The following USP45 variants were observed in gnomAD, a reference collection of about 807,000 sequenced individuals.
USP45 encodes ubiquitin specific peptidase 45.
A neutral mutation model predicts 95.8 loss-of-function variants in USP45; 89 were observed. The observed-to-expected ratio is 0.93, with a 90% CI of 0.78 to 1.11. The LOEUF (loss-of-function observed/expected upper bound fraction) is 1.11. Ranked by LOEUF, USP45 falls within the 50% of genes least tolerant of loss-of-function variation. The pLI is 0.00. For missense variants in USP45, 898 were observed against 942.5 expected, an observed-to-expected ratio of 0.95 and a Z score of 0.62; for synonymous variants, 281 against 316.2, an observed-to-expected ratio of 0.89 and a Z score of 1.18.
chr6:99,493,026 CTTAA>C (rs1282752037), intron 5 of USP45, among the ~76,000 whole-genome samples: 1 of 151,562 alleles, frequency 6.6e-6, no homozygotes, highest in African/African-American at 2.4e-5. Flanking sequence ...GACCTTAGGC[CTTAA>C]TTTTTTTTTT....
chr6:99,474,554 A>G (rs1242284279), intron 9 of USP45, among the ~76,000 whole-genome samples: 1 of 152,212 alleles, frequency 6.6e-6, no homozygotes, highest in African/African-American at 2.4e-5. Context: ...TCACAAGCAC[A>G]TATGCACTTC....
chr6:99,434,451 A>G lies in USP45; in HGVS notation c.*1265T>C, dbSNP rs1041227480. The G allele has an allele frequency of 3.3e-5, 5 of 152,264 alleles. No individual in the cohort carries two copies. The highest frequency in any genetic ancestry group is 7.2e-5 in the African/African-American group (3 of 41,556). 9.4% of individuals were successfully genotyped at this position (152,264 alleles called of 1,614,324 possible). On this transcript the variant is annotated 3_prime_UTR_variant, in exon 18 of 18. Coordinates refer to ENST00000500704, the MANE Select transcript of USP45 (RefSeq NM_001346022.3). ...GCTTGAACCATGCAGTTTTGTTTCT[A>G]TTTCAACAATATGACACTGAAGTAG...
intron 7 of USP45, among the ~76,000 whole-genome samples, chr6:99,485,056 G>A (rs552689968): frequency 5.9e-4 from 89 of 151,896 alleles, no homozygotes; most frequent in Non-Finnish European, 1.2e-3. Flanking sequence ...TAGACCTGGC[G>A]CAGTGGCTCA....
At chr6:99,481,251 T>C (rs1792336825) in intron 8 of USP45, among the ~76,000 whole-genome samples, 1 of 152,210 alleles carries the variant, frequency 6.6e-6, no homozygotes, top group African/African-American at 2.4e-5. Context: ...GTATAAAATA[T>C]ATCAAGCAAG....
chr6:99,515,876 G>A (rs974192762), upstream of USP45, among the ~76,000 whole-genome samples: 2 of 142,482 alleles, frequency 1.4e-5, no homozygotes, highest in African/African-American at 5.3e-5. Flanking sequence ...CCGGGTTCAC[G>A]CCATTCTACT....
intron 11 of USP45, among the ~76,000 whole-genome samples, chr6:99,466,396 T>C (rs2128633890): frequency 6.6e-6 from 1 of 152,306 alleles, no homozygotes; most frequent in African/African-American, 2.4e-5. Context: ...TTCAAACAGA[T>C]AGCTAATGAA....
Position 99,435,768 on chromosome 6 carries a change from G to A in USP45, c.2393C>T (p.Ser798Leu). The change falls in exon 18 of 18, where the codon TCA becomes TTA. Residue 798 changes from serine to leucine, a missense_variant. By Grantham distance (145) the Ser-to-Leu change is moderately radical (BLOSUM62 -2). Coordinates refer to ENST00000500704, the MANE Select transcript of USP45 (RefSeq NM_001346022.3). ...SDTYLQVVPE[S>L]RALSAQAYLL... ...GTAGGCTTGTGCACTAAGTGCTCTTGATTCTGGAACCACCTGTAAGTAAGT... is the reference window on the plus strand; with the variant it reads ...GTAGGCTTGTGCACTAAGTGCTCTTAATTCTGGAACCACCTGTAAGTAAGT... 1 of 1,613,604 alleles carries A rather than the reference G, an allele frequency of 6.2e-7. No homozygotes were observed. Among genetic ancestry groups the A allele is most frequent in the Non-Finnish European group, 8.5e-7 (1 of 1,179,556 alleles).
At chr6:99,511,525 T>G (rs1799792095) in intron 1 of USP45, among the ~76,000 whole-genome samples, 1 of 151,722 alleles carries the variant, frequency 6.6e-6, no homozygotes, top group African/African-American at 2.4e-5. Flanking sequence ...TTCAGCTCAC[T>G]GCAGCCTCAA....
At chr6:99,509,046 G>C (rs1799166502) in intron 2 of USP45, among the ~76,000 whole-genome samples, 2 of 152,190 alleles carry the variant, frequency 1.3e-5, no homozygotes, top group South Asian at 2.1e-4. Flanking sequence ...ACAGCACATA[G>C]AGTGGTGATG....
At chr6:99,460,890 T>C in intron 13 of USP45, 1 of 972,940 alleles carries the variant, frequency 1.0e-6, no homozygotes, top group African/African-American at 1.8e-5. Context: ...AAACCAAAAG[T>C]GCATGAAAAG....
At chr6:99,516,333 C>T (rs1801107762), upstream of USP45, among the ~76,000 whole-genome samples, 1 of 152,192 alleles carries the variant, frequency 6.6e-6, no homozygotes, top group Non-Finnish European at 1.5e-5. Context: ...CAAATGCCAA[C>T]ACTGGTTATG....
At chr6:99,497,110 C>G (rs1427690398) in intron 5 of USP45, among the ~76,000 whole-genome samples, 1 of 152,088 alleles carries the variant, frequency 6.6e-6, no homozygotes, top group Non-Finnish European at 1.5e-5. Context: ...CAACCCCTTT[C>G]AACCACTGAT....
intron 5 of USP45, chr6:99,501,904 T>G: frequency 7.8e-7 from 1 of 1,277,542 alleles, no homozygotes; most frequent in African/African-American, 1.5e-5. Context: ...CTGTTATTCA[T>G]GATGGGTCCC....
At chr6:99,513,222 C>T (rs1372037915) in intron 1 of USP45, among the ~76,000 whole-genome samples, 1 of 152,162 alleles carries the variant, frequency 6.6e-6, no homozygotes, top group Non-Finnish European at 1.5e-5. Flanking sequence ...CCATTTTCTC[C>T]ATGTCGGGAG....
chr6:99,514,795 G>A (rs1339372562), intron 1 of USP45: 1 of 152,184 alleles, frequency 6.6e-6, no homozygotes, highest in African/African-American at 2.4e-5. Flanking sequence ...GTTTTGCTGT[G>A]TATCACGCTC....
At chr6:99,498,945 T>G (rs1796854141) in intron 5 of USP45, among the ~76,000 whole-genome samples, 1 of 152,190 alleles carries the variant, frequency 6.6e-6, no homozygotes, top group Non-Finnish European at 1.5e-5. Flanking sequence ...TAGTATTTAT[T>G]TCATTTTTAT....
At chr6:99,451,743 C>T (rs948688339) in intron 13 of USP45, among the ~76,000 whole-genome samples, 75 of 152,290 alleles carry the variant, frequency 4.9e-4, no homozygotes, top group African/African-American at 1.7e-3. Flanking sequence ...GCCAAAAGAA[C>T]AAAGCTGGAG....
Position 99,508,670 on chromosome 6 carries a change from G to C in USP45, c.213C>G (p.Phe71Leu), listed in dbSNP as rs760272028. Residue 71 changes from phenylalanine (F) to leucine (L), a missense_variant, in exon 3 of 18, where the codon TTC becomes TTG. By Grantham distance (22) the Phe-to-Leu change is conservative (BLOSUM62 0). Coordinates refer to ENST00000500704, the MANE Select transcript of USP45 (RefSeq NM_001346022.3). ...AAGTAAGTACTAGCTGCCCATCATA[G>C]AATCTTCTTTCTTTTAAACATTCTG... ...VCSECLKERR[F>L]YDGQLVLTSD... 1.2e-6 allele frequency: 2 copies of C among 1,613,878 alleles called. No homozygotes were observed. The highest frequency in any genetic ancestry group is 2.2e-5 in the South Asian group (2 of 91,058).
At chr6:99,472,148 T>A (rs17059591) in intron 9 of USP45, among the ~76,000 whole-genome samples, 8,597 of 151,676 alleles carry the variant, frequency 0.057, 269 homozygotes, top group East Asian at 0.14. Flanking sequence ...TTACTTTTTT[T>A]ATAATATCAA....
Sources: allele counts gnomAD v4.1 joint callset (sites outside exome capture counted in the v4.1 genomes callset), GRCh38; gene constraint gnomAD v4.1.1; transcripts MANE v1.5; gene names NCBI Gene and HGNC (gene_info 2026-07-23, HGNC 2026-07-21).